Variants in ACTR5 observed in about 807,000 individuals in gnomAD.
ACTR5 encodes the protein actin related protein 5.
ACTR5 carries 43 observed loss-of-function variants against 61.2 expected under a neutral mutation model. The ratio of observed to expected loss-of-function variants is 0.70; its 90% CI spans 0.55 to 0.91. The LOEUF (loss-of-function observed/expected upper bound fraction) is 0.91. Ranked by LOEUF, ACTR5 falls within the 40% of genes least tolerant of loss-of-function variation. The probability of loss-of-function intolerance (pLI) is 0.00; values close to 1 mark genes in which losing one functional copy is unlikely to be tolerated. For synonymous variants in ACTR5, 333 were observed against 310.5 expected, an observed-to-expected ratio of 1.07 and a Z score of -0.76; for missense variants, 798 against 782.2, an observed-to-expected ratio of 1.02 and a Z score of -0.24.
intron 8 of ACTR5, 77 bp downstream of exon 8, chr20:38,767,673 A>G (rs1451152698): frequency 6.7e-7 from 1 of 1,482,138 alleles, no homozygotes; most frequent in Non-Finnish European, 9.1e-7. Context: ...ATAATCATGC[A>G]GAAATATCCA....
chr20:38,748,887 T>A (rs776543130), intron 1 of ACTR5, 34 bp downstream of exon 1: 7 of 1,576,076 alleles, frequency 4.4e-6, no homozygotes, highest in Non-Finnish European at 6.0e-6. Context: ...TGGGCTGGGT[T>A]TGAGGGGAGG....
intron 8 of ACTR5, among the ~76,000 whole-genome samples, chr20:38,770,142 A>G (rs945710362): frequency 6.2e-5 from 9 of 146,112 alleles, no homozygotes; most frequent in Admixed American, 4.2e-4. Context: ...CCCCTTTCAC[A>G]TTGCTAATGT....
In ACTR5 at chr20:38,755,597, C is replaced by G. The variant is rs540551260; in HGVS notation, c.994-260C>G. Among the ~76,000 whole-genome samples the G allele has an allele frequency of 3.0e-3, 447 of 151,084 alleles. 3 individuals carry two copies. The highest frequency in any genetic ancestry group is 0.01 in the African/African-American group (424 of 41,200). ...CCCACCTTCCTTCACATCCCCCGCC[C>G]CACCAAAAAAAAAAAGGGTAACAAC... On this transcript the variant is annotated intron_variant, in intron 4 of 8. Transcript: ENST00000243903.
intron 5 of ACTR5, among the ~76,000 whole-genome samples, chr20:38,759,211 G>GA (rs1483943053): frequency 6.6e-6 from 1 of 152,242 alleles, no homozygotes; most frequent in Non-Finnish European, 1.5e-5. Flanking sequence ...ATCAGGGTTG[G>GA]CCTCTGCTTC....
intron 3 of ACTR5, among the ~76,000 whole-genome samples, chr20:38,753,122 AGAGGCTTGCCAGAAGACACGGCT>A (rs1420474191): frequency 1.3e-5 from 2 of 152,240 alleles, no homozygotes; most frequent in African/African-American, 2.4e-5. Context: ...CCGGAGAGTT[AGAGGCTTGCCAGAAGACACGGCT>A]GAGGCACACA....
intron 5 of ACTR5, among the ~76,000 whole-genome samples, chr20:38,759,947 C>T (rs1690712337): frequency 6.6e-6 from 1 of 151,978 alleles, no homozygotes; most frequent in African/African-American, 2.4e-5. Context: ...GGGAAGATCA[C>T]TTGTGCCCAG....
At chr20:38,752,038 T>C in intron 2 of ACTR5, 93 bp from the exon 3 acceptor site, 2 of 1,405,856 alleles carry the variant, frequency 1.4e-6, no homozygotes, top group South Asian at 1.3e-5. Flanking sequence ...CTGTTTCTTC[T>C]TTATCTGCCT....
At position 38,748,537 on chromosome 20, in the gene ACTR5, A is replaced by G; in HGVS notation, c.59A>G (p.Glu20Gly). The change falls in exon 1 of 9, where the codon GAG becomes GGG. Residue 20 changes from glutamate (E) to glycine (G), a missense_variant. By Grantham distance (98) the Glu-to-Gly change is moderately conservative. Coordinates refer to ENST00000243903, the MANE Select transcript of ACTR5 (RefSeq NM_024855.4). ...DARAAPDPVL[E>G]AGPVAHGPLP... is the part of the protein sequence containing the mutation. ...CGTGCCGCACCGGACCCAGTGCTGG[A>G]GGCCGGCCCGGTGGCACACGGGCCA... 6.6e-7 allele frequency: 1 copy of G among 1,509,826 alleles called. No individual in the cohort carries two copies. The highest frequency in any genetic ancestry group is 8.8e-7 in the Non-Finnish European group (1 of 1,133,874). The allele number at this position is 1,509,826 out of a possible 1,614,324, so 93.5% of individuals were successfully genotyped here.
At position 38,748,584 on chromosome 20, in the gene ACTR5, G is replaced by A; in HGVS notation, c.106G>A (p.Asp36Asn). The part of the protein sequence containing the change: ...HGPLPVPLVL[D>N]NGSFQVRAGW... The stretch of plus-strand genomic sequence containing the variant: ...GCCACTGCCGGTACCGCTGGTGCTG[G>A]ACAACGGGTCGTTCCAAGTCCGCGC... Residue 36 changes from aspartate to asparagine, a missense_variant, in exon 1 of 9, where the codon GAC (aspartate) becomes AAC (asparagine). Physicochemically the swap from Asp to Asn is conservative, Grantham distance 23. Coordinates refer to ENST00000243903, the MANE Select transcript of ACTR5 (RefSeq NM_024855.4). 6.6e-7 allele frequency: 1 copy of A among 1,523,494 alleles called. No individual in the cohort carries two copies. The highest frequency in any genetic ancestry group is 8.8e-7 in the Non-Finnish European group (1 of 1,138,018). 94.4% of individuals were successfully genotyped at this position (1,523,494 alleles called of 1,614,324 possible).
At chr20:38,767,973 A>C (rs2084498244) in intron 8 of ACTR5, among the ~76,000 whole-genome samples, 1 of 152,150 alleles carries the variant, frequency 6.6e-6, no homozygotes, top group Admixed American at 6.5e-5. Context: ...GGGAGTGAGA[A>C]GTGGCTGAGT....
At chr20:38,754,243 G>C (rs767284596) in intron 3 of ACTR5, among the ~76,000 whole-genome samples, 8 of 152,150 alleles carry the variant, frequency 5.3e-5, no homozygotes, top group Non-Finnish European at 1.0e-4. Flanking sequence ...GATGCTCCAA[G>C]CTTCCTTCTG....
At chr20:38,753,115 G>A (rs1172246695) in intron 3 of ACTR5, among the ~76,000 whole-genome samples, 9 of 152,218 alleles carry the variant, frequency 5.9e-5, no homozygotes, top group Admixed American at 5.9e-4. Flanking sequence ...ACTCAGTCCG[G>A]AGAGTTAGAG....
chr20:38,750,141 C>T lies in ACTR5; in HGVS notation c.507C>T (p.Phe169=), dbSNP rs778434062. ...TTGCCTATGGAATAGACAGCCTCTT[C>T]AGCTTCTACCACAATAAGCCAAAGA... The part of the protein sequence containing the change: ...PKVAYGIDSL[F]SFYHNKPKNS... The change falls in exon 2 of 9, where the codon TTC becomes TTT. Residue 169 remains phenylalanine, a synonymous_variant. Transcript: ENST00000243903. 1.2e-6 allele frequency: 2 copies of T among 1,614,218 alleles called. No individual in the cohort carries two copies. The highest frequency in any genetic ancestry group is 2.2e-5 in the South Asian group (2 of 91,076).
intron 7 of ACTR5, 69 bp from the exon 8 acceptor site, chr20:38,767,395 A>G: frequency 1.6e-5 from 22 of 1,411,290 alleles, no homozygotes; most frequent in South Asian, 1.4e-4. Context: ...GAGAGCTTAC[A>G]TTTCTGCATC....
chr20:38,758,317 C>T (rs549756200), intron 5 of ACTR5, among the ~76,000 whole-genome samples: 2 of 152,198 alleles, frequency 1.3e-5, no homozygotes, highest in African/African-American at 2.4e-5. Flanking sequence ...TTTGAAATGC[C>T]GGACTGCAAA....
In ACTR5 at chr20:38,756,046, T is replaced by G; in HGVS notation, c.1176+7T>G. 1.9e-6 allele frequency: 3 copies of G among 1,609,220 alleles called. No individual in the cohort carries two copies. The highest frequency in any genetic ancestry group is 2.5e-6 in the Non-Finnish European group (3 of 1,178,618). On this transcript the variant is annotated splice_region_variant and intron_variant, in intron 5 of 8. Coordinates refer to ENST00000243903, the MANE Select transcript of ACTR5 (RefSeq NM_024855.4). ...GGTAGACAGCAAGCCAGAGGTAACT[T>G]AGGGCCTTGGAAGGAGCAGCCCTTC...
chr20:38,766,499 C>G, intron 7 of ACTR5, 122 bp downstream of exon 7: 1 of 1,255,986 alleles, frequency 8.0e-7, no homozygotes, highest in East Asian at 2.4e-5. Flanking sequence ...TTTTCATTGA[C>G]TTGCTGTGCT....
Position 38,771,910 on chromosome 20 carries a change from A to C in ACTR5, c.*94A>C. 2.0e-6 allele frequency: 3 copies of C among 1,470,068 alleles called. No homozygotes were observed. The highest frequency in any genetic ancestry group is 2.7e-6 in the Non-Finnish European group (3 of 1,107,920). The allele number at this position is 1,470,068 out of a possible 1,614,324, so 91.1% of individuals were successfully genotyped here. On this transcript the variant is annotated 3_prime_UTR_variant, in exon 9 of 9. Transcript: ENST00000243903. ...TGATTGTGCTAGATGTACCTGCCCA[A>C]GTCTGCTGGTCACATTTGGCAGCAA...
In ACTR5 at chr20:38,748,690, G is replaced by C; in HGVS notation, c.212G>C (p.Gly71Ala). Residue 71 changes from glycine (G) to alanine (A), a missense_variant, in exon 1 of 9, where the codon GGG (glycine) becomes GCG (alanine). Coordinates refer to ENST00000243903, the MANE Select transcript of ACTR5 (RefSeq NM_024855.4). The stretch of plus-strand genomic sequence containing the variant: ...GCGGTGTGCGCCCGCGGTCGTGGCG[G>C]GGCACGGGGCGCGTCGGGCCCGCAG... ...FRAVCARGRGGARGASGPQVG... is the reference protein window; with the variant it reads ...FRAVCARGRGAARGASGPQVG... 1 of 1,519,490 alleles carries C rather than the reference G, an allele frequency of 6.6e-7. No individual in the cohort carries two copies. The highest frequency in any genetic ancestry group is 8.8e-7 in the Non-Finnish European group (1 of 1,135,584). The allele number at this position is 1,519,490 out of a possible 1,614,324, so 94.1% of individuals were successfully genotyped here. A position where few individuals can be genotyped will look rare whatever the true frequency, so the allele number is the denominator to read the frequency against.
Sources: gnomAD v4.1 joint callset for allele counts (sites outside exome capture counted in the v4.1 genomes callset) on GRCh38, gnomAD v4.1.1 for gene constraint, MANE v1.5 for transcripts, NCBI Gene and HGNC (gene_info 2026-07-23, HGNC 2026-07-21) for gene names.